The following GRIK2 variants were observed in gnomAD, a reference collection of about 807,000 sequenced individuals.
GRIK2 encodes glutamate ionotropic receptor kainate type subunit 2, also known as glutamate receptor ionotropic, kainate 2.
Under a neutral mutation model 100.3 loss-of-function variants are expected in GRIK2, and 32 were observed. The observed-to-expected ratio is 0.32, with a 90% CI of 0.24 to 0.43. The LOEUF is 0.43. GRIK2 is among the 20% of genes least tolerant of loss of function. The pLI is 1.00. For missense variants in GRIK2, 843 were observed against 1,114.9 expected (o/e 0.76, Z 3.47); for synonymous variants, 417 against 389.4 (o/e 1.07, Z -0.83).
At chr6:101,984,614 A>AAAACAC (rs1793908812) in intron 14 of GRIK2, among the ~76,000 whole-genome samples, 1 of 129,158 alleles carries the variant, frequency 7.7e-6, no homozygotes, top group South Asian at 2.7e-4. Flanking sequence ...TACACATTAA[A>AAAACAC]ACACACACAC....
intron 15 of GRIK2, among the ~76,000 whole-genome samples, chr6:102,036,601 G>A (rs1403131895): frequency 6.6e-6 from 1 of 151,024 alleles, no homozygotes; most frequent in South Asian, 2.1e-4. Flanking sequence ...GAGAGAAAGA[G>A]AAAGAAGAGA....
At chr6:101,865,241 C>T (rs957160769) in intron 11 of GRIK2, among the ~76,000 whole-genome samples, 1 of 152,172 alleles carries the variant, frequency 6.6e-6, no homozygotes, top group Non-Finnish European at 1.5e-5. Flanking sequence ...AGAAGACTCA[C>T]GATGCCACAG....
rs560661229 is a variant in GRIK2 at position 101,582,050 on chromosome 6, G to GT, written c.116-39890dup. 4.0e-3 allele frequency among the ~76,000 whole-genome samples: 608 copies of GT among 150,552 alleles called. 3 individuals carry two copies. The highest frequency in any genetic ancestry group is 6.8e-3 in the Non-Finnish European group (456 of 67,512). On this transcript the variant is annotated intron_variant, in intron 2 of 16. Transcript: ENST00000369134. ...AGTGAGTTCTCATGAGATCTGATGG[G>GT]TTTTTTTTTCATTGTTTTTATTTTT...
intron 12 of GRIK2, among the ~76,000 whole-genome samples, chr6:101,912,113 GA>G (rs1788754062): frequency 5.8e-5 from 1 of 17,300 alleles, no homozygotes; most frequent in Non-Finnish European, 1.5e-4. Flanking sequence ...CACACACACA[GA>G]GACCGAGAGA....
chr6:101,571,484 T>C (rs187994462), intron 2 of GRIK2, among the ~76,000 whole-genome samples: 12 of 152,304 alleles, frequency 7.9e-5, no homozygotes, highest in Admixed American at 7.8e-4. Context: ...ATTTAGTTTA[T>C]CTTTTCACTG....
chr6:101,818,302 T>A, intron 9 of GRIK2, 68 bp from the exon 10 acceptor site: 1 of 834,722 alleles, frequency 1.2e-6, no homozygotes, highest in East Asian at 2.6e-5. Context: ...CAATCTTAAC[T>A]TTCTTTTGCA....
intron 4 of GRIK2, among the ~76,000 whole-genome samples, chr6:101,666,711 A>G (rs1394173996): frequency 6.6e-6 from 1 of 152,256 alleles, no homozygotes; most frequent in African/African-American, 2.4e-5. Context: ...GTGGACTGGT[A>G]AGAGATATGC....
At chr6:101,656,285 AAGAG>A (rs1769162311) in intron 4 of GRIK2, among the ~76,000 whole-genome samples, 1 of 151,202 alleles carries the variant, frequency 6.6e-6, no homozygotes, top group African/African-American at 2.4e-5. Context: ...CCTGGGTAAC[AAGAG>A]AGAGACTCCA....
At chr6:101,661,233 C>A (rs1769588547) in intron 4 of GRIK2, among the ~76,000 whole-genome samples, 2 of 152,088 alleles carry the variant, frequency 1.3e-5, no homozygotes. Flanking sequence ...CTGCAGTGGG[C>A]TCCAGCCAGT....
chr6:101,399,996 A>G (rs1775202828), intron 2 of GRIK2, among the ~76,000 whole-genome samples: 1 of 152,210 alleles, frequency 6.6e-6, no homozygotes, highest in African/African-American at 2.4e-5. Flanking sequence ...TCGAGGTTCT[A>G]CTTAACACAG....
intron 11 of GRIK2, among the ~76,000 whole-genome samples, chr6:101,881,706 G>C (rs1322639076): frequency 6.6e-6 from 1 of 151,280 alleles, no homozygotes; most frequent in Non-Finnish European, 1.5e-5. Context: ...TAGAAAAATT[G>C]GCCAGATGTG....
chr6:102,031,073 C>T (rs939424389), intron 14 of GRIK2, among the ~76,000 whole-genome samples: 1 of 111,688 alleles, frequency 9.0e-6, no homozygotes, highest in African/African-American at 3.3e-5. Context: ...AAGTATTATG[C>T]ATTACACACA....
intron 4 of GRIK2, among the ~76,000 whole-genome samples, chr6:101,673,237 G>T (rs1346880635): frequency 6.6e-6 from 1 of 152,074 alleles, no homozygotes; most frequent in Non-Finnish European, 1.5e-5. Context: ...CATATATGTG[G>T]CCAACAAACA....
At chr6:101,584,104 TAAAG>T (rs1324464290) in intron 2 of GRIK2, among the ~76,000 whole-genome samples, 1 of 152,072 alleles carries the variant, frequency 6.6e-6, no homozygotes, top group Non-Finnish European at 1.5e-5. Context: ...ATTTTTCTGT[TAAAG>T]AAAAAATATG....
chr6:101,512,635 A>G (rs1774377321), intron 2 of GRIK2, among the ~76,000 whole-genome samples: 1 of 152,142 alleles, frequency 6.6e-6, no homozygotes, highest in African/African-American at 2.4e-5. Flanking sequence ...ATATTTCTAA[A>G]CATCCACTTT....
At chr6:102,016,691 G>A (rs1026627960) in intron 14 of GRIK2, among the ~76,000 whole-genome samples, 5 of 151,898 alleles carry the variant, frequency 3.3e-5, no homozygotes, top group Non-Finnish European at 7.4e-5. Context: ...AAGCAACTTG[G>A]AAAATATATT....
chr6:101,858,261 C>A (rs1784533810), intron 10 of GRIK2, among the ~76,000 whole-genome samples: 1 of 151,682 alleles, frequency 6.6e-6, no homozygotes, highest in Non-Finnish European at 1.5e-5. Context: ...CTTCATGGCT[C>A]AAGGATTTCT....
At chr6:101,836,657 A>ATTTT (rs1371506983) in intron 10 of GRIK2, among the ~76,000 whole-genome samples, 39 of 39,506 alleles carry the variant, frequency 9.9e-4, no homozygotes, top group African/African-American at 2.1e-3. Flanking sequence ...ATATATATAT[A>ATTTT]TATATTTTTT....
At chr6:101,639,529 G>C (rs1319181900) in intron 4 of GRIK2, among the ~76,000 whole-genome samples, 1 of 152,042 alleles carries the variant, frequency 6.6e-6, no homozygotes, top group Non-Finnish European at 1.5e-5. Context: ...GTAAGGACTT[G>C]TCCACATAAA....
Sources: gnomAD v4.1 joint callset for allele counts (sites outside exome capture counted in the v4.1 genomes callset) on GRCh38, gnomAD v4.1.1 for gene constraint, MANE v1.5 for transcripts, NCBI Gene and HGNC (gene_info 2026-07-23, HGNC 2026-07-21) for gene names.